Variants in CPNE4 observed in about 807,000 individuals in gnomAD.
CPNE4 encodes copine-4.
Under a neutral mutation model 67.9 loss-of-function variants are expected in CPNE4, and 25 were observed. The observed-to-expected ratio is 0.37, with a 90% CI of 0.27 to 0.51. The LOEUF is 0.51. Ranked by LOEUF, CPNE4 falls within the 20% of genes least tolerant of loss-of-function variation. The pLI is 0.93. For synonymous variants in CPNE4, 242 were observed against 244.9 expected (o/e 0.99, Z 0.11); for missense variants, 464 against 690.8 (o/e 0.67, Z 3.68).
At chr3:131,679,773 T>C (rs901124487) in intron 6 of CPNE4, among the ~76,000 whole-genome samples, 3 of 152,216 alleles carry the variant, frequency 2.0e-5, no homozygotes, top group Non-Finnish European at 4.4e-5. Flanking sequence ...TCGGATTTGA[T>C]TGTGCTGTGG....
chr3:131,649,898 T>C (rs551443155), intron 7 of CPNE4, among the ~76,000 whole-genome samples: 1 of 152,378 alleles, frequency 6.6e-6, no homozygotes, highest in South Asian at 2.1e-4. Context: ...GGCTGCGTTG[T>C]GTGCTTAGTA....
At chr3:131,897,768 T>C (rs2088393715) in intron 2 of CPNE4, among the ~76,000 whole-genome samples, 1 of 152,000 alleles carries the variant, frequency 6.6e-6, no homozygotes, top group African/African-American at 2.4e-5. Context: ...GGCATGTGCC[T>C]ATAGTCCTAG....
chr3:131,732,386 C>A (rs2082148125), intron 2 of CPNE4, among the ~76,000 whole-genome samples: 1 of 152,218 alleles, frequency 6.6e-6, no homozygotes, highest in South Asian at 2.1e-4. Flanking sequence ...ATCCCCAGGT[C>A]TTTCTGCTCT....
chr3:131,872,252 G>A (rs2087247870), intron 2 of CPNE4, among the ~76,000 whole-genome samples: 1 of 151,990 alleles, frequency 6.6e-6, no homozygotes, highest in Non-Finnish European at 1.5e-5. Flanking sequence ...TTATTATAAG[G>A]AATTAGCTCA....
intron 2 of CPNE4, among the ~76,000 whole-genome samples, chr3:131,899,461 A>G (rs577381598): frequency 1.3e-5 from 2 of 152,250 alleles, no homozygotes; most frequent in East Asian, 3.9e-4. Context: ...AAAACCAGAC[A>G]AAATATGTCT....
intron 7 of CPNE4, among the ~76,000 whole-genome samples, chr3:131,622,126 A>T (rs761561108): frequency 7.2e-5 from 11 of 152,140 alleles, no homozygotes; most frequent in Admixed American, 2.0e-4. Flanking sequence ...TCTTAAGCCC[A>T]TGTCTCCTGA....
chr3:131,587,463 C>T, intron 8 of CPNE4, 21 bp downstream of exon 8: 1 of 1,595,630 alleles, frequency 6.3e-7, no homozygotes, highest in African/African-American at 1.3e-5. Context: ...GAGGCAAAAC[C>T]AAAAGTGGTT....
At chr3:131,721,935 A>T (rs1416190302) in intron 3 of CPNE4, among the ~76,000 whole-genome samples, 6 of 152,220 alleles carry the variant, frequency 3.9e-5, no homozygotes, top group Non-Finnish European at 5.9e-5. Flanking sequence ...TTCAAAAGTC[A>T]TTAGAGAACA....
intron 2 of CPNE4, among the ~76,000 whole-genome samples, chr3:131,834,624 A>C (rs1454620273): frequency 6.6e-6 from 1 of 152,192 alleles, no homozygotes; most frequent in African/African-American, 2.4e-5. Context: ...AAAAATAAAA[A>C]TCAATTCAAG....
intron 2 of CPNE4, among the ~76,000 whole-genome samples, chr3:131,806,944 A>G (rs1560360712): frequency 1.3e-5 from 2 of 152,200 alleles, no homozygotes; most frequent in Admixed American, 1.3e-4. Flanking sequence ...CAGGAGGTAA[A>G]GTGAAGCTTC....
intron 9 of CPNE4, among the ~76,000 whole-genome samples, chr3:131,579,201 C>G (rs755933140): frequency 2.6e-5 from 4 of 152,196 alleles, no homozygotes; most frequent in Non-Finnish European, 5.9e-5. Flanking sequence ...TATGCTATAT[C>G]TACTCTGCCC....
chr3:131,595,140 A>G (rs1442895300), intron 7 of CPNE4, among the ~76,000 whole-genome samples: 4 of 152,228 alleles, frequency 2.6e-5, no homozygotes, highest in Non-Finnish European at 5.9e-5. Context: ...TGGAGCAGCT[A>G]TGGAAAACAA....
intron 3 of CPNE4, among the ~76,000 whole-genome samples, chr3:131,711,696 G>A (rs906121921): frequency 1.4e-4 from 21 of 152,082 alleles, no homozygotes; most frequent in Non-Finnish European, 3.1e-4. Context: ...CAAGACTCGT[G>A]GGAATGCTTT....
intron 2 of CPNE4, among the ~76,000 whole-genome samples, chr3:131,754,156 T>A (rs74403741): frequency 4.6e-5 from 7 of 152,108 alleles, no homozygotes; most frequent in East Asian, 1.9e-4. Flanking sequence ...GTATTTTTTT[T>A]ATGGAAAAAA....
At chr3:131,895,288 T>C (rs2088282845) in intron 2 of CPNE4, among the ~76,000 whole-genome samples, 1 of 152,046 alleles carries the variant, frequency 6.6e-6, no homozygotes, top group East Asian at 1.9e-4. Flanking sequence ...TTCTGGTGTT[T>C]TAATGCACAG....
intron 2 of CPNE4, among the ~76,000 whole-genome samples, chr3:131,821,661 C>T (rs2084965251): frequency 6.6e-6 from 1 of 152,126 alleles, no homozygotes; most frequent in African/African-American, 2.4e-5. Context: ...TAATTCCTTT[C>T]ACAAAAGGAA....
At chr3:131,802,482 C>T (rs1198575252) in intron 2 of CPNE4, among the ~76,000 whole-genome samples, 1 of 152,102 alleles carries the variant, frequency 6.6e-6, no homozygotes, top group Non-Finnish European at 1.5e-5. Context: ...ACAAATTGCC[C>T]AGCTGCATTT....
chr3:131,603,426 C>A (rs1419028451), intron 7 of CPNE4, among the ~76,000 whole-genome samples: 1 of 152,054 alleles, frequency 6.6e-6, no homozygotes, highest in East Asian at 1.9e-4. Context: ...AGTGAGTGAA[C>A]AAAAGCAAAA....
intron 11 of CPNE4, among the ~76,000 whole-genome samples, chr3:131,559,108 T>C (rs1936619949): frequency 6.6e-6 from 1 of 151,952 alleles, no homozygotes; most frequent in African/African-American, 2.4e-5. Flanking sequence ...GGGGAAAAAA[T>C]CCTTTTGCAA....
Sources: gnomAD v4.1 joint callset for allele counts (sites outside exome capture counted in the v4.1 genomes callset) on GRCh38, gnomAD v4.1.1 for gene constraint, MANE v1.5 for transcripts, NCBI Gene and HGNC (gene_info 2026-07-23, HGNC 2026-07-21) for gene names.